CAND1: variants seen among roughly 807,000 people sequenced by gnomAD.
The protein encoded by CAND1 is cullin associated and neddylation dissociated 1.
Under a neutral mutation model 108.5 loss-of-function variants are expected in CAND1, and 7 were observed. The observed-to-expected ratio is 0.06, with a 90% CI of 0.04 to 0.12. CAND1 has a LOEUF of 0.12. CAND1 is among the 10% of genes least tolerant of loss of function. The probability of loss-of-function intolerance (pLI) is 1.00; values close to 1 mark genes in which losing one functional copy is unlikely to be tolerated. For missense variants in CAND1, 941 were observed against 1,448.7 expected, an observed-to-expected ratio of 0.65 and a Z score of 5.69; for synonymous variants, 534 against 512.0, an observed-to-expected ratio of 1.04 and a Z score of -0.58.
chr12:67,309,592 G>A (rs947683388), intron 11 of CAND1, among the ~76,000 whole-genome samples: 16 of 151,948 alleles, frequency 1.1e-4, no homozygotes, highest in Non-Finnish European at 1.6e-4. Context: ...CTCTGTCTCT[G>A]TCATATCTTA....
rs999876347 is a variant in CAND1, at chr12:67,319,791, A to G, written c.*6961A>G. On this transcript the variant is annotated 3_prime_UTR_variant, in exon 15 of 15. Coordinates refer to ENST00000545606, the MANE Select transcript of CAND1 (RefSeq NM_018448.5). ...CCTTGTCTGGTTTGTGACTTTCTGT[A>G]CTCTGATGCCCCCAGCTTTCTGCCT... 6.6e-6 allele frequency: 1 copy of G among 152,110 alleles called. No individual in the cohort carries two copies. Among genetic ancestry groups the G allele is most frequent in the African/African-American group, 2.4e-5 (1 of 41,420 alleles). 9.4% of individuals were successfully genotyped at this position (152,110 alleles called of 1,614,324 possible).
intron 1 of CAND1, among the ~76,000 whole-genome samples, chr12:67,280,211 A>G (rs12299042): frequency 0.046 from 6,950 of 152,284 alleles, 521 homozygotes; most frequent in African/African-American, 0.16. Context: ...GAATTAAACT[A>G]TTAGGTTGGT....
chr12:67,307,571 AT>A, intron 11 of CAND1, 79 bp downstream of exon 11: 1 of 829,106 alleles, frequency 1.2e-6, no homozygotes, highest in South Asian at 1.6e-5. Flanking sequence ...GTAACTAGAA[AT>A]ATCGAGGAAT....
chr12:67,284,602 G>A (rs537449766), intron 2 of CAND1, among the ~76,000 whole-genome samples: 4 of 148,856 alleles, frequency 2.7e-5, no homozygotes, highest in Non-Finnish European at 6.0e-5. Context: ...TGAAGAACAG[G>A]TTGAAGATGT....
chr12:67,276,825 T>C (rs554218629), intron 1 of CAND1, among the ~76,000 whole-genome samples: 1 of 152,322 alleles, frequency 6.6e-6, no homozygotes, highest in Admixed American at 6.5e-5. Flanking sequence ...TGTTTTTTTC[T>C]TTATCAGTGC....
rs757418315 is a variant in CAND1, at chr12:67,305,285, A to G, written c.1617A>G (p.Ala539=). 7.4e-6 allele frequency: 12 copies of G among 1,614,020 alleles called. No homozygotes were observed. In the South Asian group the frequency reaches 1.3e-4, roughly 18 times the overall value. Residue 539 remains alanine (A), a synonymous_variant, in exon 10 of 15, where the codon GCA becomes GCG. Transcript: ENST00000545606. This position sits in a 1 kb window ranked among gnomAD's most constrained non-coding sequence, Gnocchi z 4.4. ...CATTTTACAAAATTACATCTGAAGC[A>G]CTTCTTGTTACTCAACAGCTTGTCA... ...GDPFYKITSE[A]LLVTQQLVKV... is the part of the protein sequence containing the mutation.
rs772268607 is a variant in CAND1 at position 67,312,858 on chromosome 12, A to G, written c.*28A>G. ...GTTTGTTCACCATGGGGACCATTAC[A>G]TATGACCATACAATGCACTGAATTG... is the stretch of plus-strand genomic sequence containing the variant. On this transcript the variant is annotated 3_prime_UTR_variant, in exon 15 of 15. Transcript: ENST00000545606. 2 of 1,394,096 alleles carry G rather than the reference A, an allele frequency of 1.4e-6. No homozygotes were observed. Among genetic ancestry groups the G allele is most frequent in the Non-Finnish European group, 2.0e-6 (2 of 993,024 alleles). The allele number at this position is 1,394,096 out of a possible 1,614,324, so 86.4% of individuals were successfully genotyped here.
At chr12:67,295,677 C>T (rs1315042153) in intron 4 of CAND1, among the ~76,000 whole-genome samples, 2 of 152,102 alleles carry the variant, frequency 1.3e-5, no homozygotes, top group African/African-American at 4.8e-5. Flanking sequence ...AAGGACCTGT[C>T]AATTTCTGAT....
At chr12:67,292,478 C>A (rs1160067429) in intron 2 of CAND1, 144 bp from the exon 3 acceptor site, 1 of 532,196 alleles carries the variant, frequency 1.9e-6, no homozygotes, top group Non-Finnish European at 3.1e-6. Flanking sequence ...TTTTTTATGT[C>A]ATTTGTATAC....
intron 1 of CAND1, 89 bp downstream of exon 1, chr12:67,269,874 C>T: frequency 4.4e-6 from 5 of 1,142,014 alleles, no homozygotes; most frequent in Non-Finnish European, 6.3e-6. Context: ...ACCCCTTCGG[C>T]CGTAGCCGGT....
In CAND1 at chr12:67,312,134, GACA is replaced by G. The variant is rs751022388; in HGVS notation, c.3468+338_3468+340del. The stretch of plus-strand genomic sequence containing the variant: ...GAGTCAGAAGGTTTCATATTAGGTT[GACA>G]ACATTTGCAATGAACCTCGAAAAAT... On this transcript the variant is annotated intron_variant, in intron 14 of 14. Coordinates refer to ENST00000545606, the MANE Select transcript of CAND1 (RefSeq NM_018448.5). 7.1e-4 allele frequency among the ~76,000 whole-genome samples: 107 copies of G among 151,202 alleles called. 1 individual carries two copies. Among genetic ancestry groups the G allele is most frequent in the Non-Finnish European group, 1.2e-3 (84 of 67,836 alleles).
chr12:67,283,806 T>C (rs565060649), intron 2 of CAND1, among the ~76,000 whole-genome samples: 26 of 152,196 alleles, frequency 1.7e-4, no homozygotes, highest in Non-Finnish European at 3.5e-4. Context: ...TTAGTCACTT[T>C]AGTATGTATC....
At chr12:67,306,731 T>C in intron 10 of CAND1, 134 bp downstream of exon 10, 1 of 662,886 alleles carries the variant, frequency 1.5e-6, no homozygotes, top group Non-Finnish European at 2.5e-6. Context: ...GAAGAAAAAC[T>C]GTCTTTCGTA....
chr12:67,273,825 C>A (rs2044545670), intron 1 of CAND1, among the ~76,000 whole-genome samples: 1 of 152,042 alleles, frequency 6.6e-6, no homozygotes. Context: ...TTAAAATATT[C>A]CAAGGAATCA....
Position 67,316,853 on chromosome 12 carries a change from A to G in CAND1, c.*4023A>G, listed in dbSNP as rs2045012024. The G allele has an allele frequency of 6.6e-6, 1 of 152,164 alleles. No homozygotes were observed. Among genetic ancestry groups the G allele is most frequent in the South Asian group, 2.1e-4 (1 of 4,830 alleles). The allele number at this position is 152,164 out of a possible 1,614,324, so 9.4% of individuals were successfully genotyped here. A position where few individuals can be genotyped will look rare whatever the true frequency, so the allele number is the denominator to read the frequency against. On this transcript the variant is annotated 3_prime_UTR_variant, in exon 15 of 15. Coordinates refer to ENST00000545606, the MANE Select transcript of CAND1 (RefSeq NM_018448.5). ...CTAGAATGCTCTCAAAAAAATAGTA[A>G]AGAATTGTACTTCAGGGCCAGATGG...
chr12:67,273,624 C>T (rs2044543449), intron 1 of CAND1, among the ~76,000 whole-genome samples: 1 of 151,966 alleles, frequency 6.6e-6, no homozygotes, highest in Non-Finnish European at 1.5e-5. Flanking sequence ...GCTGGGACTA[C>T]AGGTGCGCAC....
At chr12:67,273,734 C>T (rs1037430590) in intron 1 of CAND1, among the ~76,000 whole-genome samples, 3 of 152,104 alleles carry the variant, frequency 2.0e-5, no homozygotes, top group African/African-American at 7.2e-5. Flanking sequence ...ACCTTGGCCT[C>T]CCAAAGTGCT....
rs146482322 is a variant in CAND1, at chr12:67,307,735, A to G, written c.3025+243A>G. Among the ~76,000 whole-genome samples the G allele has an allele frequency of 8.3e-3, 1,258 of 152,222 alleles. 26 individuals carry two copies. Among genetic ancestry groups the G allele is most frequent in the African/African-American group, 0.029 (1,191 of 41,564 alleles). On this transcript the variant is annotated intron_variant, in intron 11 of 14. Transcript: ENST00000545606. ...TACCAGCATGTCTTTAGAGTCAACT[A>G]CATATTTGATAGCCATATTTTTGGG...
At position 67,292,650 on chromosome 12, in the gene CAND1, G is replaced by A. The variant is rs1226775939; in HGVS notation, c.241G>A (p.Glu81Lys). Residue 81 changes from glutamate to lysine, a missense_variant, in exon 3 of 15, where the codon GAA (glutamate) becomes AAA (lysine). Physicochemically the swap from Glu to Lys is moderately conservative, Grantham distance 56. This residue lies in a region of CAND1 where 44 missense variants were observed against 129.1 expected (regional missense o/e 0.34). Transcript: ENST00000545606. Reference sequence around the variant, plus strand: ...TGGTCCTTTAGTGAGTAAAGTGAAAGAATACCAAGTAGAGACAATTGTAGA... The same window carrying A: ...TGGTCCTTTAGTGAGTAAAGTGAAAAAATACCAAGTAGAGACAATTGTAGA... ...CLGPLVSKVK[E>K]YQVETIVDTL... The A allele has an allele frequency of 6.2e-7, 1 of 1,611,620 alleles. No individual in the cohort carries two copies. Among genetic ancestry groups the A allele is most frequent in the Non-Finnish European group, 8.5e-7 (1 of 1,179,082 alleles).
Sources: gnomAD v4.1 joint callset for allele counts (sites outside exome capture counted in the v4.1 genomes callset) on GRCh38, gnomAD v4.1.1 for gene constraint, gnomAD v4.1.1 regional missense constraint, Gnocchi (gnomAD v3.1) non-coding constraint, MANE v1.5 for transcripts, NCBI Gene and HGNC (gene_info 2026-07-23, HGNC 2026-07-21) for gene names.